Variants in CCBE1 observed in about 807,000 individuals in gnomAD.
CCBE1 encodes collagen and calcium binding EGF domains 1, also known as collagen and calcium-binding EGF domain-containing protein 1.
Under a neutral mutation model 50.0 loss-of-function variants are expected in CCBE1, and 37 were observed. The observed-to-expected ratio is 0.74, with a 90% CI of 0.57 to 0.97. The LOEUF (loss-of-function observed/expected upper bound fraction) is 0.97. CCBE1 is among the 50% of genes least tolerant of loss of function. The probability of loss-of-function intolerance (pLI) is 0.00; values close to 1 mark genes in which losing one functional copy is unlikely to be tolerated. For missense variants in CCBE1, 538 were observed against 523.8 expected, an observed-to-expected ratio of 1.03 and a Z score of -0.26; for synonymous variants, 234 against 203.7, an observed-to-expected ratio of 1.15 and a Z score of -1.27.
At chr18:59,677,476 G>C (rs1213181779) in intron 2 of CCBE1, among the ~76,000 whole-genome samples, 1 of 152,108 alleles carries the variant, frequency 6.6e-6, no homozygotes, top group Non-Finnish European at 1.5e-5. Flanking sequence ...CTGGATATGT[G>C]AATTGCTGAG....
In CCBE1 at chr18:59,521,356, A is replaced by G. The variant is rs1015752399; in HGVS notation, c.213-41118T>C. On this transcript the variant is annotated intron_variant, in intron 2 of 10. Transcript: ENST00000439986. The stretch of plus-strand genomic sequence containing the variant: ...TCCCTGGTTCTTGGTTGTGGTGACA[A>G]TAAAGAAATGTATCCATGAGTTACG... Among the ~76,000 whole-genome samples the G allele has an allele frequency of 3.9e-5, 6 of 152,374 alleles. No homozygotes were observed. In the South Asian group the frequency reaches 8.3e-4, roughly 21 times the overall value.
intron 2 of CCBE1, among the ~76,000 whole-genome samples, chr18:59,674,743 G>C (rs1458796287): frequency 6.6e-6 from 1 of 152,146 alleles, no homozygotes; most frequent in African/African-American, 2.4e-5. Flanking sequence ...AATCTCTTCT[G>C]CTATTACACA....
intron 6 of CCBE1, among the ~76,000 whole-genome samples, chr18:59,450,660 A>C (rs967447737): frequency 1.3e-5 from 2 of 152,112 alleles, no homozygotes; most frequent in Non-Finnish European, 2.9e-5. Context: ...CAGCCTCCCG[A>C]GTAGATGGAG....
rs559315221 is a variant in CCBE1 at position 59,432,460 on chromosome 18, C to T, written c.*3448G>A. 4.6e-5 allele frequency: 7 copies of T among 152,104 alleles called. No individual in the cohort carries two copies. Among genetic ancestry groups the T allele is most frequent in the Non-Finnish European group, 1.0e-4 (7 of 68,028 alleles). The allele number at this position is 152,104 out of a possible 1,614,324, so 9.4% of individuals were successfully genotyped here. ...GTTACAAATCTTACCCCAGAAATAG[C>T]TTTCCCATTAGGTTTTGAGCAGAAG... On this transcript the variant is annotated 3_prime_UTR_variant, in exon 11 of 11. Transcript: ENST00000439986.
At chr18:59,628,416 C>T (rs2053813831) in intron 2 of CCBE1, among the ~76,000 whole-genome samples, 1 of 152,024 alleles carries the variant, frequency 6.6e-6, no homozygotes, top group African/African-American at 2.4e-5. Flanking sequence ...TCTTACTGCC[C>T]CTACTCCAAG....
intron 2 of CCBE1, among the ~76,000 whole-genome samples, chr18:59,544,456 C>G (rs190172585): frequency 1.3e-5 from 2 of 152,332 alleles, no homozygotes; most frequent in East Asian, 3.9e-4. Context: ...TTTATACCAT[C>G]CTGCAAATGA....
At chr18:59,654,350 G>T (rs543768316) in intron 2 of CCBE1, among the ~76,000 whole-genome samples, 43 of 152,348 alleles carry the variant, frequency 2.8e-4, no homozygotes, top group Admixed American at 1.0e-3. Context: ...GGGAAAAACA[G>T]CCCAGAGAAT....
chr18:59,678,226 C>T (rs1469983918), intron 2 of CCBE1, among the ~76,000 whole-genome samples: 1 of 152,110 alleles, frequency 6.6e-6, no homozygotes, highest in African/African-American at 2.4e-5. Flanking sequence ...GCGATGGAGG[C>T]AAAAACCAAA....
intron 7 of CCBE1, among the ~76,000 whole-genome samples, chr18:59,444,631 C>T (rs1288865429): frequency 6.6e-6 from 1 of 151,908 alleles, no homozygotes; most frequent in African/African-American, 2.4e-5. Flanking sequence ...ATCTTCTACC[C>T]CTCAGCCTCC....
intron 2 of CCBE1, among the ~76,000 whole-genome samples, chr18:59,596,460 A>G (rs978421104): frequency 1.3e-5 from 2 of 152,220 alleles, no homozygotes; most frequent in Non-Finnish European, 2.9e-5. Flanking sequence ...AGTATTTAAG[A>G]TGAAAGAATA....
At chr18:59,642,019 T>C (rs762149044) in intron 2 of CCBE1, among the ~76,000 whole-genome samples, 74 of 151,992 alleles carry the variant, frequency 4.9e-4, no homozygotes, top group Non-Finnish European at 2.1e-4. Context: ...AAAAAATGTA[T>C]AAACCATGAA....
chr18:59,615,164 T>C (rs1216142842), intron 2 of CCBE1, among the ~76,000 whole-genome samples: 6 of 152,242 alleles, frequency 3.9e-5, no homozygotes, highest in Non-Finnish European at 8.8e-5. Flanking sequence ...AGTCTCCCTC[T>C]GTACCTGTCT....
intron 2 of CCBE1, chr18:59,568,041 A>G (rs938866056): frequency 2.6e-5 from 4 of 152,182 alleles, no homozygotes. Flanking sequence ...ATTCATATAG[A>G]GAGAACCACG....
At chr18:59,697,686 C>T, upstream of CCBE1, 1 of 253,800 alleles carries the variant, frequency 3.9e-6, no homozygotes, top group Middle Eastern at 1.3e-3. Flanking sequence ...GCCCTCGCCT[C>T]TTCCCTCTCC....
rs1323806307 is a variant in CCBE1 at position 59,658,882 on chromosome 18, A to C, written c.212+37747T>G. Among the ~76,000 whole-genome samples, 262 of 132,910 alleles carry C rather than the reference A, an allele frequency of 2.0e-3. 1 individual carries two copies. The highest frequency in any genetic ancestry group is 7.1e-3 in the African/African-American group (222 of 31,456). 87.2% of individuals were successfully genotyped at this position (132,910 alleles called of 152,430 possible). ...GCAACAGAGCAAGACTCTGTCTCAA[A>C]AAAAAAAAAAAAAAAAAAAAAAAAC... is the stretch of plus-strand genomic sequence containing the variant. On this transcript the variant is annotated intron_variant, in intron 2 of 10. Transcript: ENST00000439986.
chr18:59,671,489 C>A (rs1456328418), intron 2 of CCBE1, among the ~76,000 whole-genome samples: 1 of 139,268 alleles, frequency 7.2e-6, no homozygotes. Context: ...CAGAGTGAGA[C>A]CTTGTCTCAG....
chr18:59,500,951 CCCA>C (rs1913590554), intron 2 of CCBE1, among the ~76,000 whole-genome samples: 1 of 152,152 alleles, frequency 6.6e-6, no homozygotes, highest in Non-Finnish European at 1.5e-5. Context: ...CCTCTGAATC[CCCA>C]CAACCACCCA....
intron 2 of CCBE1, among the ~76,000 whole-genome samples, chr18:59,604,421 C>G (rs942629573): frequency 6.6e-6 from 1 of 152,098 alleles, no homozygotes; most frequent in Admixed American, 6.6e-5. Flanking sequence ...ACACATAGAA[C>G]AGAGATACCT....
At chr18:59,485,562 A>G (rs1353314859) in intron 2 of CCBE1, among the ~76,000 whole-genome samples, 1 of 150,938 alleles carries the variant, frequency 6.6e-6, no homozygotes, top group East Asian at 1.9e-4. Context: ...ATGGCTGCTT[A>G]TTCATGCGCC....
Sources: gnomAD v4.1 joint callset for allele counts (sites outside exome capture counted in the v4.1 genomes callset) on GRCh38, gnomAD v4.1.1 for gene constraint, MANE v1.5 for transcripts, NCBI Gene and HGNC (gene_info 2026-07-23, HGNC 2026-07-21) for gene names.